ARHGAP10: variants seen among roughly 807,000 people sequenced by gnomAD.
ARHGAP10 encodes rho GTPase-activating protein 10.
A neutral mutation model predicts 108.6 loss-of-function variants in ARHGAP10; 87 were observed. The ratio of observed to expected loss-of-function variants is 0.80; its 90% CI spans 0.67 to 0.96. The LOEUF (loss-of-function observed/expected upper bound fraction) is 0.96, where lower values mean the gene tolerates loss of function less well. ARHGAP10 is among the 40% of genes least tolerant of loss of function. ARHGAP10 has a pLI of 0.00. For missense variants in ARHGAP10, 939 were observed against 954.5 expected, an observed-to-expected ratio of 0.98 and a Z score of 0.21; for synonymous variants, 347 against 341.1, an observed-to-expected ratio of 1.02 and a Z score of -0.19.
intron 1 of ARHGAP10, among the ~76,000 whole-genome samples, chr4:147,805,943 T>C (rs1054041021): frequency 5.9e-5 from 9 of 152,224 alleles, no homozygotes; most frequent in African/African-American, 2.2e-4. Context: ...TTTAAGATTA[T>C]TTACTCTCCA....
chr4:147,889,760 T>C (rs991180409), intron 10 of ARHGAP10, among the ~76,000 whole-genome samples: 7 of 152,230 alleles, frequency 4.6e-5, no homozygotes, highest in African/African-American at 1.7e-4. Context: ...TGATATTTAA[T>C]AAACTGCACA....
chr4:148,059,759 C>T (rs892460995), intron 20 of ARHGAP10, among the ~76,000 whole-genome samples: 2 of 152,100 alleles, frequency 1.3e-5, no homozygotes, highest in South Asian at 2.1e-4. Context: ...CCATCGTTTC[C>T]GGGATGCTGG....
At chr4:148,029,440 A>C (rs1469657545) in intron 19 of ARHGAP10, among the ~76,000 whole-genome samples, 1 of 152,150 alleles carries the variant, frequency 6.6e-6, no homozygotes, top group Non-Finnish European at 1.5e-5. Context: ...AATTGTAACT[A>C]CTCTGTCTTT....
intron 1 of ARHGAP10, among the ~76,000 whole-genome samples, chr4:147,773,601 T>A (rs1228829385): frequency 6.6e-6 from 1 of 152,230 alleles, no homozygotes. Context: ...ATATGTGATT[T>A]TCATTGTTGC....
At chr4:147,852,865 T>C (rs1482310629) in intron 4 of ARHGAP10, among the ~76,000 whole-genome samples, 1 of 151,944 alleles carries the variant, frequency 6.6e-6, no homozygotes, top group African/African-American at 2.4e-5. Context: ...ATTACAGACA[T>C]GCGCCAGCAC....
At chr4:147,992,792 A>C (rs1740331000) in intron 18 of ARHGAP10, among the ~76,000 whole-genome samples, 1 of 152,198 alleles carries the variant, frequency 6.6e-6, no homozygotes, top group Non-Finnish European at 1.5e-5. Flanking sequence ...CCCATGAGCC[A>C]TCTTCAATTC....
chr4:148,012,508 G>T lies in ARHGAP10; in HGVS notation c.1717-10755G>T, dbSNP rs959511339. Among the ~76,000 whole-genome samples, 18 of 152,272 alleles carry T rather than the reference G, an allele frequency of 1.2e-4. 1 individual carries two copies. The South Asian group carries it at 3.7e-3, about 32-fold the overall frequency. ...AGACTTAAGTTGACAGGAGTGAGAG[G>T]GGGAACAGTGTGCTGTTTGAAATGT... is the stretch of plus-strand genomic sequence containing the variant. On this transcript the variant is annotated intron_variant, in intron 18 of 22. Transcript: ENST00000336498.
At chr4:147,750,878 G>A (rs1729114321) in intron 1 of ARHGAP10, among the ~76,000 whole-genome samples, 1 of 152,066 alleles carries the variant, frequency 6.6e-6, no homozygotes, top group South Asian at 2.1e-4. Context: ...TGTGATTACA[G>A]GCGTGAGCCA....
intron 22 of ARHGAP10, among the ~76,000 whole-genome samples, chr4:148,068,395 T>C (rs1729997948): frequency 6.6e-6 from 1 of 152,136 alleles, no homozygotes; most frequent in Admixed American, 6.5e-5. Flanking sequence ...GAATAATCCC[T>C]GGAAAACAAT....
intron 1 of ARHGAP10, among the ~76,000 whole-genome samples, chr4:147,738,572 T>C (rs1053754908): frequency 6.6e-6 from 1 of 151,836 alleles, no homozygotes; most frequent in African/African-American, 2.4e-5. Flanking sequence ...AAAAAAATTA[T>C]AATACGACCT....
At chr4:147,764,863 A>G (rs1729729485) in intron 1 of ARHGAP10, among the ~76,000 whole-genome samples, 2 of 152,186 alleles carry the variant, frequency 1.3e-5, no homozygotes. Context: ...TGTGTTTTAT[A>G]TGACAGATGT....
chr4:147,766,019 A>T (rs1729795131), intron 1 of ARHGAP10, among the ~76,000 whole-genome samples: 1 of 151,794 alleles, frequency 6.6e-6, no homozygotes. Flanking sequence ...TGGGTGCGGT[A>T]CCTGTAATCC....
intron 4 of ARHGAP10, among the ~76,000 whole-genome samples, chr4:147,850,395 C>T (rs1317865087): frequency 2.6e-5 from 4 of 152,196 alleles, no homozygotes; most frequent in African/African-American, 4.8e-5. Flanking sequence ...GGCTGCTGCT[C>T]ACTCTTTGGG....
At chr4:147,837,817 A>C (rs940125580) in intron 3 of ARHGAP10, among the ~76,000 whole-genome samples, 5 of 151,840 alleles carry the variant, frequency 3.3e-5, no homozygotes, top group Non-Finnish European at 7.4e-5. Flanking sequence ...GAATTCCTCA[A>C]ACATAGGAAG....
At chr4:147,756,604 C>T (rs57760152) in intron 1 of ARHGAP10, among the ~76,000 whole-genome samples, 2,095 of 152,266 alleles carry the variant, frequency 0.014, 40 homozygotes, top group African/African-American at 0.047. Context: ...TGCCATCCTG[C>T]TCCATCCCAC....
At chr4:147,855,566 T>G (rs1211216632) in intron 4 of ARHGAP10, among the ~76,000 whole-genome samples, 1 of 152,218 alleles carries the variant, frequency 6.6e-6, no homozygotes, top group African/African-American at 2.4e-5. Flanking sequence ...TTGGTTCCAT[T>G]TCTACACATG....
intron 13 of ARHGAP10, 118 bp downstream of exon 13, chr4:147,913,257 C>T (rs1736829329): frequency 2.4e-6 from 2 of 840,006 alleles, no homozygotes. Flanking sequence ...CACAAATGCT[C>T]ATTCTGAGTA....
chr4:147,768,842 G>A (rs999811400), intron 1 of ARHGAP10, among the ~76,000 whole-genome samples: 1 of 151,244 alleles, frequency 6.6e-6, no homozygotes, highest in African/African-American at 2.4e-5. Context: ...GGGTTCAAGC[G>A]ATTCTTCTTC....
chr4:147,976,098 C>T (rs1182604026), intron 18 of ARHGAP10, among the ~76,000 whole-genome samples: 1 of 152,210 alleles, frequency 6.6e-6, no homozygotes, highest in African/African-American at 2.4e-5. Context: ...TGTCCTATCC[C>T]TCTTCCGTAG....
Sources: allele counts gnomAD v4.1 joint callset (sites outside exome capture counted in the v4.1 genomes callset), GRCh38; gene constraint gnomAD v4.1.1; transcripts MANE v1.5; gene names NCBI Gene and HGNC (gene_info 2026-07-23, HGNC 2026-07-21).